The following AFAP1 variants were observed in gnomAD, a reference collection of about 807,000 sequenced individuals.
The protein encoded by AFAP1 is actin filament associated protein 1.
In AFAP1, 75 loss-of-function variants were observed where a neutral mutation model predicts 93.9. The ratio of observed to expected loss-of-function variants is 0.80; its 90% confidence interval spans 0.66 to 0.97. AFAP1 has a LOEUF of 0.97. Among genes scored for constraint, AFAP1 ranks in the 50% least tolerant of loss-of-function variants. The pLI, the probability that AFAP1 is intolerant of heterozygous loss-of-function variation, is 0.00. For missense variants in AFAP1, 1,201 were observed against 1,050.8 expected, an observed-to-expected ratio of 1.14 and a Z score of -1.98; for synonymous variants, 517 against 430.7, an observed-to-expected ratio of 1.20 and a Z score of -2.48.
intron 14 of AFAP1, chr4:7,776,459 T>C (rs552926581): frequency 6.6e-6 from 1 of 152,194 alleles, no homozygotes. Flanking sequence ...AACAAAATGA[T>C]ACGACGCCTG....
At position 7,932,759 on chromosome 4, in the gene AFAP1, C is replaced by G. The variant is rs182871563; in HGVS notation, c.-3+6897G>C. Among the ~76,000 whole-genome samples, 4 of 152,256 alleles carry G rather than the reference C, an allele frequency of 2.6e-5. No homozygotes were observed. The East Asian group carries it at 7.7e-4, about 29-fold the overall frequency. On this transcript the variant is annotated intron_variant, in intron 1 of 17. Transcript: ENST00000420658. ...GAAGGATCTTCATGGCAGTGGCTCACGCCTGTAATTCCAGCATTTTGGAAG... is the reference window on the plus strand; with the variant it reads ...GAAGGATCTTCATGGCAGTGGCTCAGGCCTGTAATTCCAGCATTTTGGAAG...
rs181537817 is a variant in AFAP1, at chr4:7,781,546, C to T, written c.1612G>A (p.Asp538Asn). 1,448 of 1,552,014 alleles carry T rather than the reference C, an allele frequency of 9.3e-4. 14 individuals are homozygous for T. The highest frequency in any genetic ancestry group is 1.7e-4 in the Middle Eastern group (1 of 5,994). The change falls in exon 13 of 18, where the codon GAT becomes AAT. Residue 538 changes from aspartate to asparagine, a missense_variant. Transcript: ENST00000420658. Reference protein sequence around the residue: ...EVLYDNAGLYDNLPPPHIFAR... With the variant: ...EVLYDNAGLYNNLPPPHIFAR... ...AAGATGTGCGGAGGCGGCAAGTTATCGTACAGGCCTGCGTTATCATAAAGC... is the reference window on the plus strand; with the variant it reads ...AAGATGTGCGGAGGCGGCAAGTTATTGTACAGGCCTGCGTTATCATAAAGC...
intron 17 of AFAP1, among the ~76,000 whole-genome samples, chr4:7,766,336 T>C (rs1714572696): frequency 6.6e-6 from 1 of 152,090 alleles, no homozygotes; most frequent in Admixed American, 6.5e-5. Flanking sequence ...CAGTCCTCTG[T>C]TGTACAGGTC....
intron 1 of AFAP1, among the ~76,000 whole-genome samples, chr4:7,881,576 A>G: frequency 6.6e-6 from 1 of 152,130 alleles, no homozygotes; most frequent in Non-Finnish European, 1.5e-5. Context: ...TGAGGTCAGG[A>G]GTTCGAGATT....
intron 1 of AFAP1, among the ~76,000 whole-genome samples, chr4:7,895,920 G>A (rs1423318548): frequency 6.8e-6 from 1 of 148,140 alleles, no homozygotes; most frequent in African/African-American, 2.5e-5. Context: ...GTGCAGTGGC[G>A]CGATCTTGGC....
chr4:7,870,203 G>A (rs1204001479), intron 2 of AFAP1, among the ~76,000 whole-genome samples: 2 of 152,188 alleles, frequency 1.3e-5, no homozygotes, highest in East Asian at 1.9e-4. Context: ...TTGGTAACAG[G>A]TAGGGCCAGA....
intron 1 of AFAP1, among the ~76,000 whole-genome samples, chr4:7,925,853 A>AAAGAAAGAAAG (rs58692629): frequency 2.0e-3 from 292 of 147,326 alleles, no homozygotes; most frequent in African/African-American, 6.3e-3. Context: ...CTCAAAAAAA[A>AAAGAAAGAAAG]AAAGAAAGAA....
At chr4:7,876,129 C>T (rs1006811563) in intron 1 of AFAP1, among the ~76,000 whole-genome samples, 2 of 152,212 alleles carry the variant, frequency 1.3e-5, no homozygotes, top group Non-Finnish European at 2.9e-5. Context: ...CAGCATGGAA[C>T]TATCTGAAGA....
intron 11 of AFAP1, among the ~76,000 whole-genome samples, chr4:7,793,228 A>C (rs1026820826): frequency 6.6e-6 from 1 of 152,186 alleles, no homozygotes; most frequent in Non-Finnish European, 1.5e-5. Flanking sequence ...TTGAAAACTC[A>C]GTCCTCATTA....
At chr4:7,868,578 AG>A (rs771706569) in intron 3 of AFAP1, 43 bp downstream of exon 3, 1 of 1,565,048 alleles carries the variant, frequency 6.4e-7, no homozygotes, top group Non-Finnish European at 8.7e-7. Context: ...AAGTACCCCC[AG>A]GCCTCCAGCG....
chr4:7,766,324 G>T (rs1256134180), intron 17 of AFAP1, among the ~76,000 whole-genome samples: 1 of 152,148 alleles, frequency 6.6e-6, no homozygotes, highest in Non-Finnish European at 1.5e-5. Flanking sequence ...GGCGCTCAAG[G>T]GCAGTCCTCT....
chr4:7,910,583 G>A (rs779145158), intron 1 of AFAP1, among the ~76,000 whole-genome samples: 16 of 152,180 alleles, frequency 1.1e-4, no homozygotes, highest in Non-Finnish European at 1.5e-4. Context: ...CTACACTCAC[G>A]GATTCTGCTC....
chr4:7,939,591 T>C lies in AFAP1; in HGVS notation c.-3+65A>G, dbSNP rs60272249. 0.34 allele frequency: 133,509 copies of C among 396,356 alleles called. 24,322 individuals carry two copies. Among genetic ancestry groups the C allele is most frequent in the African/African-American group, 0.56 (25,174 of 45,178 alleles). 24.6% of individuals were successfully genotyped at this position (396,356 alleles called of 1,614,324 possible). A position where few individuals can be genotyped will look rare whatever the true frequency, so the allele number is the denominator to read the frequency against. ...GACCCTGCGGAGCCCCGCTCGGAGC[T>C]TCCACGCCCGGGGCAGAGACCCCCG... On this transcript the variant is annotated intron_variant, in intron 1 of 17. Coordinates refer to ENST00000420658, the MANE Select transcript of AFAP1 (RefSeq NM_001134647.2). This position sits in a 1 kb window ranked among gnomAD's most constrained non-coding sequence, Gnocchi z 5.6.
At chr4:7,820,986 TAC>T in intron 6 of AFAP1, among the ~76,000 whole-genome samples, 1 of 152,010 alleles carries the variant, frequency 6.6e-6, no homozygotes, top group Non-Finnish European at 1.5e-5. Context: ...GGTGTGGTGG[TAC>T]ACGCCTGTAA....
intron 10 of AFAP1, among the ~76,000 whole-genome samples, chr4:7,794,258 T>A (rs1193409327): frequency 1.3e-5 from 2 of 152,190 alleles, no homozygotes; most frequent in African/African-American, 4.8e-5. Context: ...GGTCGCAAAC[T>A]TTTTTATACC....
intron 1 of AFAP1, among the ~76,000 whole-genome samples, chr4:7,929,006 C>G (rs1336557978): frequency 2.6e-5 from 4 of 152,212 alleles, no homozygotes; most frequent in African/African-American, 7.2e-5. Flanking sequence ...TCACTCCGAT[C>G]GCAGAGGCTT....
At chr4:7,893,471 C>T (rs182190284) in intron 1 of AFAP1, among the ~76,000 whole-genome samples, 2,811 of 148,578 alleles carry the variant, frequency 0.019, 89 homozygotes, top group African/African-American at 0.066. Context: ...GTCCCAGCTA[C>T]TTGGGAGGCT....
At chr4:7,834,128 C>CATAT (rs1553842868) in intron 6 of AFAP1, among the ~76,000 whole-genome samples, 17 of 119,426 alleles carry the variant, frequency 1.4e-4, no homozygotes, top group African/African-American at 6.7e-4. Context: ...CACACACACA[C>CATAT]ATATATACAA....
Position 7,774,883 on chromosome 4 carries a change from C to T in AFAP1, c.1918G>A (p.Gly640Ser). ...GCATCTGCTTCTACCCGGTTCTTGC[C>T]ATACTTGTACTGGGCAGCATCTTGA... Reference protein sequence around the residue: ...TGSNAAQYKYGKNRVEADAKR... With the variant: ...TGSNAAQYKYSKNRVEADAKR... The change falls in exon 15 of 18, where the codon GGC becomes AGC. Residue 640 changes from glycine (G) to serine (S), a missense_variant. Physicochemically the swap from Gly to Ser is moderately conservative, Grantham distance 56. Transcript: ENST00000420658. The T allele has an allele frequency of 6.2e-7, 1 of 1,613,960 alleles. No homozygotes were observed.
Sources: allele counts gnomAD v4.1 joint callset (sites outside exome capture counted in the v4.1 genomes callset), GRCh38; gene constraint gnomAD v4.1.1; non-coding constraint Gnocchi (gnomAD v3.1); transcripts MANE v1.5; gene names NCBI Gene and HGNC (gene_info 2026-07-23, HGNC 2026-07-21).